The following KLHL14 variants were observed in gnomAD, a reference collection of about 807,000 sequenced individuals.
KLHL14 encodes the protein kelch-like protein 14.
Under a neutral mutation model 64.3 loss-of-function variants are expected in KLHL14, and 22 were observed. The observed-to-expected ratio is 0.34, with a 90% confidence interval of 0.24 to 0.49. The LOEUF (loss-of-function observed/expected upper bound fraction) is 0.49. Ranked by LOEUF, KLHL14 falls within the 20% of genes least tolerant of loss-of-function variation. KLHL14 has a pLI of 0.99. For synonymous variants in KLHL14, 322 were observed against 333.4 expected, an observed-to-expected ratio of 0.97 and a Z score of 0.37; for missense variants, 661 against 789.0, an observed-to-expected ratio of 0.84 and a Z score of 1.94.
At chr18:32,752,895 G>GAA (rs1251415692) in intron 2 of KLHL14, among the ~76,000 whole-genome samples, 2 of 146,624 alleles carry the variant, frequency 1.4e-5, no homozygotes, top group African/African-American at 5.0e-5. Flanking sequence ...ACTTTTATAA[G>GAA]CTATCAGAAC....
intron 3 of KLHL14, among the ~76,000 whole-genome samples, chr18:32,728,540 C>T (rs2050118551): frequency 1.3e-5 from 2 of 152,106 alleles, no homozygotes; most frequent in African/African-American, 4.8e-5. Flanking sequence ...TATGTCAAGT[C>T]CTTACTCCCA....
intron 2 of KLHL14, among the ~76,000 whole-genome samples, chr18:32,762,964 T>G (rs553388334): frequency 2.6e-5 from 4 of 152,110 alleles, no homozygotes; most frequent in Admixed American, 6.5e-5. Context: ...TAATTCCAAC[T>G]TCTACCTGGT....
chr18:32,724,549 C>T (rs1027491878), intron 3 of KLHL14, among the ~76,000 whole-genome samples: 7 of 152,180 alleles, frequency 4.6e-5, no homozygotes, highest in South Asian at 2.1e-4. Flanking sequence ...GGCTTGGACA[C>T]ACCCTTAACC....
chr18:32,712,033 G>A (rs756258547), intron 3 of KLHL14, among the ~76,000 whole-genome samples: 1 of 152,114 alleles, frequency 6.6e-6, no homozygotes, highest in Non-Finnish European at 1.5e-5. Flanking sequence ...GGGCTAATGG[G>A]CCTAAACTGG....
intron 3 of KLHL14, among the ~76,000 whole-genome samples, chr18:32,727,463 G>A (rs1392327741): frequency 6.6e-6 from 1 of 152,094 alleles, no homozygotes; most frequent in East Asian, 1.9e-4. Flanking sequence ...ATTACATCTG[G>A]AAACTTATTT....
intron 3 of KLHL14, chr18:32,737,547 T>C (rs991267833): frequency 6.6e-6 from 1 of 152,182 alleles, no homozygotes; most frequent in African/African-American, 2.4e-5. Context: ...CAAGCTTTGT[T>C]TGCTCATGAC....
chr18:32,764,152 A>G (rs546871741), intron 2 of KLHL14, among the ~76,000 whole-genome samples: 1 of 152,326 alleles, frequency 6.6e-6, no homozygotes, highest in African/African-American at 2.4e-5. Context: ...CCTCAGAAAA[A>G]TAGTGTGTTA....
At chr18:32,700,668 C>G (rs1221020693) in intron 3 of KLHL14, among the ~76,000 whole-genome samples, 1 of 152,118 alleles carries the variant, frequency 6.6e-6, no homozygotes, top group African/African-American at 2.4e-5. Context: ...GTTGTACCTG[C>G]TGGGGAGGTC....
At chr18:32,685,154 T>C (rs867255363) in intron 5 of KLHL14, among the ~76,000 whole-genome samples, 3 of 152,184 alleles carry the variant, frequency 2.0e-5, no homozygotes, top group South Asian at 4.1e-4. Context: ...CGACAGACCA[T>C]GGCAGGTCTT....
At chr18:32,756,227 A>C (rs776177737) in intron 2 of KLHL14, among the ~76,000 whole-genome samples, 13 of 152,246 alleles carry the variant, frequency 8.5e-5, no homozygotes, top group Non-Finnish European at 1.6e-4. Context: ...GCATGTAAGC[A>C]CAGAGAAAAG....
At chr18:32,763,118 T>C (rs1050559953) in intron 2 of KLHL14, among the ~76,000 whole-genome samples, 3 of 151,850 alleles carry the variant, frequency 2.0e-5, no homozygotes, top group African/African-American at 7.2e-5. Flanking sequence ...GTTTTTTTTT[T>C]TTTTTCATAG....
At chr18:32,690,858 G>A (rs1429196877) in intron 4 of KLHL14, among the ~76,000 whole-genome samples, 1 of 152,196 alleles carries the variant, frequency 6.6e-6, no homozygotes, top group African/African-American at 2.4e-5. Flanking sequence ...GGAATCATGT[G>A]GGAAAGTTTG....
intron 2 of KLHL14, among the ~76,000 whole-genome samples, chr18:32,763,325 T>G (rs2050324250): frequency 6.6e-6 from 1 of 152,160 alleles, no homozygotes; most frequent in African/African-American, 2.4e-5. Context: ...TCGTTCTTCA[T>G]TGGTTGAGTG....
intron 3 of KLHL14, among the ~76,000 whole-genome samples, chr18:32,726,643 A>AAAAAT (rs58493270): frequency 2.0e-4 from 31 of 151,840 alleles, no homozygotes; most frequent in South Asian, 1.5e-3. Flanking sequence ...ATAAATAAAT[A>AAAAAT]AAAATAAAAT....
rs943321780 is a variant in KLHL14 at position 32,674,006 on chromosome 18, A to G, written c.*651T>C. 1.3e-5 allele frequency: 2 copies of G among 152,200 alleles called. No homozygotes were observed. Among genetic ancestry groups the G allele is most frequent in the African/African-American group, 4.8e-5 (2 of 41,456 alleles). 9.4% of individuals were successfully genotyped at this position (152,200 alleles called of 1,614,324 possible). ...GACGACTCTGTCTAGCCTAGAACCT[A>G]TAGGGTAGAAAGCATTTATTACAAG... On this transcript the variant is annotated 3_prime_UTR_variant, in exon 9 of 9. Coordinates refer to ENST00000359358, the MANE Select transcript of KLHL14 (RefSeq NM_020805.3).
chr18:32,709,410 C>T (rs553726062), intron 3 of KLHL14, among the ~76,000 whole-genome samples: 73 of 152,058 alleles, frequency 4.8e-4, no homozygotes, highest in African/African-American at 1.7e-3. Flanking sequence ...TGCTCCCTTA[C>T]CCTTCTTTTG....
intron 5 of KLHL14, among the ~76,000 whole-genome samples, chr18:32,686,428 G>T (rs1015154704): frequency 6.6e-6 from 1 of 152,092 alleles, no homozygotes; most frequent in Non-Finnish European, 1.5e-5. Flanking sequence ...TGCAGATAAA[G>T]ACATGGTGTC....
Position 32,680,542 on chromosome 18 carries a change from C to T in KLHL14, c.1296G>A (p.Arg432=), listed in dbSNP as rs1431707428. Residue 432 remains arginine (R), a synonymous_variant, in exon 6 of 9, where the codon AGG becomes AGA. Coordinates refer to ENST00000359358, the MANE Select transcript of KLHL14 (RefSeq NM_020805.3). The surrounding 1 kb of genome is among the most constrained non-coding windows in gnomAD (Gnocchi z 4.8). The part of the protein sequence containing the change: ...LDKHLYVIGG[R]NETGYLSSVE... ...CGCTGGACAAGTAGCCAGTTTCATT[C>T]CTTCCACCAATTACGTATAAATGCT... 1.2e-6 allele frequency: 2 copies of T among 1,613,650 alleles called. No homozygotes were observed. Among genetic ancestry groups the T allele is most frequent in the South Asian group, 1.1e-5 (1 of 91,076 alleles).
At chr18:32,761,809 G>T (rs1340011055) in intron 2 of KLHL14, among the ~76,000 whole-genome samples, 2 of 152,080 alleles carry the variant, frequency 1.3e-5, no homozygotes, top group African/African-American at 4.8e-5. Context: ...CAAATGTGGG[G>T]GTTATTCCAT....
Sources: allele counts gnomAD v4.1 joint callset (sites outside exome capture counted in the v4.1 genomes callset), GRCh38; gene constraint gnomAD v4.1.1; non-coding constraint Gnocchi (gnomAD v3.1); transcripts MANE v1.5; gene names NCBI Gene and HGNC (gene_info 2026-07-23, HGNC 2026-07-21).